Variants in SLC6A5 observed in about 807,000 individuals in gnomAD.
The protein encoded by SLC6A5 is solute carrier family 6 member 5.
A neutral mutation model predicts 90.5 loss-of-function variants in SLC6A5; 58 were observed. That is an observed-to-expected ratio of 0.64 (90% confidence interval 0.52 to 0.80). The LOEUF (loss-of-function observed/expected upper bound fraction) is 0.80. SLC6A5 is among the 30% of genes least tolerant of loss of function. SLC6A5 has a pLI of 0.00. For synonymous variants in SLC6A5, 427 were observed against 401.4 expected (o/e 1.06, Z -0.76); for missense variants, 1,015 against 1,017.6 (o/e 1.00, Z 0.03).
In SLC6A5 at chr11:20,601,163, C is replaced by T. The variant is rs754224312; in HGVS notation, c.38C>T (p.Pro13Leu). 1 of 1,590,500 alleles carries T rather than the reference C, an allele frequency of 6.3e-7. No homozygotes were observed. Among genetic ancestry groups the T allele is most frequent in the Non-Finnish European group, 8.5e-7 (1 of 1,176,076 alleles). The part of the protein sequence containing the change: ...CSAPKEMNKL[P>L]ANSPEAAAAQ... ...GCTCCCAAGGAAATGAATAAACTGC[C>T]AGCCAACAGCCCGGAGGCGGCGGCG... The change falls in exon 2 of 16, where the codon CCA becomes CTA. Residue 13 changes from proline to leucine, a missense_variant. Coordinates refer to ENST00000525748, the MANE Select transcript of SLC6A5 (RefSeq NM_004211.5).
chr11:20,631,658 C>T (rs977683338), intron 10 of SLC6A5, among the ~76,000 whole-genome samples: 1 of 152,048 alleles, frequency 6.6e-6, no homozygotes, highest in African/African-American at 2.4e-5. Context: ...ATTATGATCT[C>T]ATTCTCAATT....
At chr11:20,650,766 A>C (rs1190993891) in intron 14 of SLC6A5, among the ~76,000 whole-genome samples, 1 of 144,446 alleles carries the variant, frequency 6.9e-6, no homozygotes, top group South Asian at 2.2e-4. Context: ...TCCCGGGTTC[A>C]CGCCATTCTC....
intron 6 of SLC6A5, among the ~76,000 whole-genome samples, chr11:20,616,691 C>G (rs560970132): frequency 4.6e-5 from 7 of 152,294 alleles, no homozygotes; most frequent in East Asian, 1.9e-4. Flanking sequence ...CTAGTCAACT[C>G]TGAGCCCAGG....
At chr11:20,640,840 A>G (rs552683680) in intron 13 of SLC6A5, among the ~76,000 whole-genome samples, 242 of 152,352 alleles carry the variant, frequency 1.6e-3, no homozygotes, top group Non-Finnish European at 2.9e-3. Flanking sequence ...GTGAAGGGTT[A>G]AAATGAAACT....
At position 20,604,259 on chromosome 11, in the gene SLC6A5, A is replaced by G. The variant is rs373295813; in HGVS notation, c.541-27A>G. On this transcript the variant is annotated intron_variant, in intron 2 of 15. Transcript: ENST00000525748. ...GCTTGTGGACCTACTCGGGGCTGTT[A>G]TCGACAATGTGCTTTTCCGCCCCCA... 6.9e-6 allele frequency: 11 copies of G among 1,597,660 alleles called. No homozygotes were observed. The African/African-American group carries it at 1.1e-4, about 16-fold the overall frequency.
chr11:20,654,361 A>T (rs1791747509), intron 15 of SLC6A5, among the ~76,000 whole-genome samples: 1 of 143,582 alleles, frequency 7.0e-6, no homozygotes. Flanking sequence ...GGCAGTGAAG[A>T]GAGAAGCTTG....
At chr11:20,601,729 C>T (rs1447975242) in intron 2 of SLC6A5, 64 bp downstream of exon 2, 17 of 1,525,808 alleles carry the variant, frequency 1.1e-5, no homozygotes, top group East Asian at 4.7e-5. Context: ...AGAGGCCAGC[C>T]GGGCCGTGGC....
chr11:20,608,964 G>C (rs200379027), intron 5 of SLC6A5, among the ~76,000 whole-genome samples: 4 of 82,664 alleles, frequency 4.8e-5, no homozygotes, highest in Non-Finnish European at 9.6e-5. Context: ...CTCTCTGTGT[G>C]TGTGTGTGTG....
chr11:20,610,813 G>A (rs1852679728), intron 5 of SLC6A5, among the ~76,000 whole-genome samples: 1 of 152,156 alleles, frequency 6.6e-6, no homozygotes, highest in South Asian at 2.1e-4. Context: ...GTTCAGAGAC[G>A]TTTTTAGTTG....
At chr11:20,639,690 TTAAAATAAAGGGGGTGGA>T (rs1378477620) in intron 13 of SLC6A5, among the ~76,000 whole-genome samples, 29 of 152,060 alleles carry the variant, frequency 1.9e-4, no homozygotes, top group Non-Finnish European at 3.8e-4. Context: ...GGAAAACTCA[TTAAAATAAAGGGGGTGGA>T]GTGGGAATCA....
At chr11:20,628,803 C>T (rs1565281707) in intron 9 of SLC6A5, among the ~76,000 whole-genome samples, 2 of 152,250 alleles carry the variant, frequency 1.3e-5, no homozygotes, top group East Asian at 3.9e-4. Context: ...CAGAAATAAC[C>T]CAGGCTGAGA....
intron 1 of SLC6A5, among the ~76,000 whole-genome samples, chr11:20,600,684 A>G (rs1407893735): frequency 6.6e-6 from 1 of 152,166 alleles, no homozygotes. Context: ...TTGTGGCCAC[A>G]GCTTGTCTAT....
At chr11:20,602,470 C>T (rs1467971512) in intron 2 of SLC6A5, among the ~76,000 whole-genome samples, 1 of 152,028 alleles carries the variant, frequency 6.6e-6, no homozygotes, top group Non-Finnish European at 1.5e-5. Context: ...CTTCAATTTC[C>T]CTCTCGTCTC....
chr11:20,643,225 CTCT>C (rs1305265944), intron 13 of SLC6A5, among the ~76,000 whole-genome samples: 5 of 135,768 alleles, frequency 3.7e-5, no homozygotes, highest in South Asian at 2.3e-4. Flanking sequence ...GAATCTCTCT[CTCT>C]TTTTTTTTTT....
chr11:20,648,264 G>T (rs776159377), intron 14 of SLC6A5, among the ~76,000 whole-genome samples: 1 of 152,172 alleles, frequency 6.6e-6, no homozygotes, highest in Non-Finnish European at 1.5e-5. Flanking sequence ...AAGTACAATC[G>T]CAGAGGGAAT....
chr11:20,648,666 G>A (rs930046427), intron 14 of SLC6A5, among the ~76,000 whole-genome samples: 45 of 152,084 alleles, frequency 3.0e-4, no homozygotes, highest in African/African-American at 9.4e-4. Context: ...CCTCTTCCCC[G>A]GATCCTAACA....
At chr11:20,614,597 G>A (rs2133784509) in intron 5 of SLC6A5, 82 bp from the exon 6 acceptor site, 1 of 1,387,586 alleles carries the variant, frequency 7.2e-7, no homozygotes, top group Admixed American at 1.7e-5. Flanking sequence ...TTTGGCATTT[G>A]TTTTTAAACT....
chr11:20,604,236 T>C, intron 2 of SLC6A5, 50 bp from the exon 3 acceptor site: 5 of 1,569,920 alleles, frequency 3.2e-6, no homozygotes, highest in Admixed American at 1.7e-5. Context: ...AGGGGCCTGC[T>C]TGTGGACCTA....
chr11:20,618,649 A>G (rs1008820718), intron 7 of SLC6A5, among the ~76,000 whole-genome samples: 1 of 152,050 alleles, frequency 6.6e-6, no homozygotes, highest in African/African-American at 2.4e-5. Flanking sequence ...AGAAAAACCT[A>G]CTGAAGGTTG....
Sources: allele counts gnomAD v4.1 joint callset (sites outside exome capture counted in the v4.1 genomes callset), GRCh38; gene constraint gnomAD v4.1.1; transcripts MANE v1.5; gene names NCBI Gene and HGNC (gene_info 2026-07-23, HGNC 2026-07-21).